The following GOLM1 variants were observed in gnomAD, a reference collection of about 807,000 sequenced individuals.
The protein encoded by GOLM1 is golgi membrane protein 1.
In GOLM1, 31 loss-of-function variants were observed where a neutral mutation model predicts 50.5. That is an observed-to-expected ratio of 0.61 (90% CI 0.46 to 0.83). The LOEUF is 0.83. Among genes scored for constraint, GOLM1 ranks in the 40% least tolerant of loss-of-function variants. GOLM1 has a pLI of 0.00. For missense variants in GOLM1, 491 were observed against 501.3 expected (o/e 0.98, Z 0.20); for synonymous variants, 178 against 192.8 (o/e 0.92, Z 0.64).
intron 3 of GOLM1, among the ~76,000 whole-genome samples, chr9:86,075,314 T>A (rs533475530): frequency 2.1e-4 from 32 of 152,264 alleles, no homozygotes; most frequent in Non-Finnish European, 4.1e-4. Context: ...TTATCACCGC[T>A]GCTGCGGTGG....
intron 1 of GOLM1, among the ~76,000 whole-genome samples, chr9:86,094,857 G>A (rs1333122422): frequency 6.6e-6 from 1 of 152,204 alleles, no homozygotes; most frequent in Non-Finnish European, 1.5e-5. Context: ...GCCAAGGCAG[G>A]CGGATCACCT....
chr9:86,039,943 G>C (rs898752615), intron 6 of GOLM1, among the ~76,000 whole-genome samples: 3 of 151,030 alleles, frequency 2.0e-5, no homozygotes, highest in African/African-American at 7.3e-5. Context: ...ACTCTGGCCT[G>C]GGTGAGAGAG....
chr9:86,074,853 A>C (rs977020771), intron 3 of GOLM1, among the ~76,000 whole-genome samples: 3 of 151,866 alleles, frequency 2.0e-5, no homozygotes, highest in Non-Finnish European at 4.4e-5. Context: ...CACCTCCCTC[A>C]GTGTCTTCCT....
At chr9:86,053,640 A>ATCG (rs1833878905) in intron 3 of GOLM1, among the ~76,000 whole-genome samples, 1 of 1,796 alleles carries the variant, frequency 5.6e-4, no homozygotes. Flanking sequence ...TACAAAACAC[A>ATCG]CACCACACCA....
In GOLM1 at chr9:86,035,513, G is replaced by T; in HGVS notation, c.870C>A (p.Phe290Leu). Residue 290 changes from phenylalanine to leucine, a missense_variant, in exon 8 of 10, where the codon TTC (phenylalanine) becomes TTA (leucine). By Grantham distance (22) the Phe-to-Leu change is conservative. Coordinates refer to ENST00000388712, the MANE Select transcript of GOLM1 (RefSeq NM_016548.4). ...VEDRPVGGRG[F>L]GGAGELGQTP... is the part of the protein sequence containing the mutation. ...TCTGGCCCAGTTCTCCGGCTCCCCC[G>T]AAGCCTCTTCCACCTACAGGTCTGT... 6.2e-7 allele frequency: 1 copy of T among 1,612,644 alleles called. No individual in the cohort carries two copies.
At chr9:86,045,945 C>T (rs1461816135) in intron 5 of GOLM1, among the ~76,000 whole-genome samples, 2 of 152,170 alleles carry the variant, frequency 1.3e-5, no homozygotes, top group Non-Finnish European at 2.9e-5. Flanking sequence ...CTCTGGCTTG[C>T]AAACTGGCTT....
chr9:86,027,571 T>C lies in GOLM1; in HGVS notation c.*246A>G. ...TATGTTCCAGTTTTGGTGTTGAACT[T>C]CTCACGAAATACCTACTACCAAAAA... On this transcript the variant is annotated 3_prime_UTR_variant, in exon 10 of 10. Transcript: ENST00000388712. 3.9e-6 allele frequency: 5 copies of C among 1,278,406 alleles called. No individual in the cohort carries two copies. Among genetic ancestry groups the C allele is most frequent in the Non-Finnish European group, 4.9e-6 (5 of 1,013,140 alleles). 79.2% of individuals were successfully genotyped at this position (1,278,406 alleles called of 1,614,324 possible).
chr9:86,027,295 C>T lies in GOLM1; in HGVS notation c.*522G>A. 2 of 985,618 alleles carry T rather than the reference C, an allele frequency of 2.0e-6. No homozygotes were observed. The highest frequency in any genetic ancestry group is 2.4e-6 in the Non-Finnish European group (2 of 830,078). 61.1% of individuals were successfully genotyped at this position (985,618 alleles called of 1,614,324 possible). On this transcript the variant is annotated 3_prime_UTR_variant, in exon 10 of 10. Transcript: ENST00000388712. The stretch of plus-strand genomic sequence containing the variant: ...GTGACGTTTGTGTTAACAGTCAGTG[C>T]TCTAGGCCATTGATTGATTGATTGT...
At position 86,036,329 on chromosome 9, in the gene GOLM1, A is replaced by G. The variant is rs781078049; in HGVS notation, c.757+19T>C. On this transcript the variant is annotated intron_variant, in intron 7 of 9. Coordinates refer to ENST00000388712, the MANE Select transcript of GOLM1 (RefSeq NM_016548.4). ...GCTCTGGAGAGCTGGGAACAGGGCA[A>G]CTGCTGGGCTCTGCTTACCTTTCTC... is the stretch of plus-strand genomic sequence containing the variant. The G allele has an allele frequency of 6.2e-7, 1 of 1,613,750 alleles. No individual in the cohort carries two copies. Among genetic ancestry groups the G allele is most frequent in the African/African-American group, 1.3e-5 (1 of 74,934 alleles).
intron 3 of GOLM1, among the ~76,000 whole-genome samples, chr9:86,073,786 G>A (rs1408724183): frequency 6.6e-6 from 1 of 152,094 alleles, no homozygotes; most frequent in East Asian, 1.9e-4. Flanking sequence ...ATTTAAGTTC[G>A]ATAAAATTAA....
In GOLM1 at chr9:86,027,480, T is replaced by A; in HGVS notation, c.*337A>T. 1 of 1,100,266 alleles carries A rather than the reference T, an allele frequency of 9.1e-7. No homozygotes were observed. The highest frequency in any genetic ancestry group is 1.1e-6 in the Non-Finnish European group (1 of 902,616). The allele number at this position is 1,100,266 out of a possible 1,614,324, so 68.2% of individuals were successfully genotyped here. A position where few individuals can be genotyped will look rare whatever the true frequency, so the allele number is the denominator to read the frequency against. On this transcript the variant is annotated 3_prime_UTR_variant, in exon 10 of 10. Coordinates refer to ENST00000388712, the MANE Select transcript of GOLM1 (RefSeq NM_016548.4). ...AGATGGACTCTTCTATAGGTGGCTG[T>A]TAATTTACACAAAGTTATATTCCAG... is the stretch of plus-strand genomic sequence containing the variant.
At chr9:86,040,649 C>G in intron 6 of GOLM1, 90 bp downstream of exon 6, 2 of 1,264,406 alleles carry the variant, frequency 1.6e-6, no homozygotes, top group Non-Finnish European at 2.2e-6. Flanking sequence ...AGGGCAGAAT[C>G]CAGAGAAAGC....
chr9:86,092,601 G>A (rs1835221038), intron 1 of GOLM1, among the ~76,000 whole-genome samples: 1 of 152,232 alleles, frequency 6.6e-6, no homozygotes, highest in African/African-American at 2.4e-5. Flanking sequence ...AGCACTCTTA[G>A]GAGAGCCCTG....
In GOLM1 at chr9:86,077,544, C is replaced by T; in HGVS notation, c.177G>A (p.Glu59=). 6.2e-7 allele frequency: 1 copy of T among 1,613,386 alleles called. No individual in the cohort carries two copies. Among genetic ancestry groups the T allele is most frequent in the Non-Finnish European group, 8.5e-7 (1 of 1,179,268 alleles). The change falls in exon 3 of 10, where the codon GAG becomes GAA. Residue 59 remains glutamate (E), a synonymous_variant. Coordinates refer to ENST00000388712, the MANE Select transcript of GOLM1 (RefSeq NM_016548.4). ...LEGRVRRAAA[E]RGAVELKKNE... ...TCTTCTTCAGCTCCACGGCGCCTCT[C>T]TCTGCAGCCGCCCTGCGGACCCTGC...
At chr9:86,062,589 AG>A (rs1358822672) in intron 3 of GOLM1, among the ~76,000 whole-genome samples, 2 of 148,074 alleles carry the variant, frequency 1.4e-5, no homozygotes, top group Admixed American at 6.7e-5. Flanking sequence ...GGAGAGAGAC[AG>A]GGTCTGGAGG....
intron 6 of GOLM1, among the ~76,000 whole-genome samples, chr9:86,038,835 G>A (rs779198276): frequency 1.3e-5 from 2 of 152,020 alleles, no homozygotes; most frequent in South Asian, 2.1e-4. Flanking sequence ...AACTAAGAAC[G>A]ATAAAACTCT....
At chr9:86,052,170 G>C (rs978197912) in intron 4 of GOLM1, among the ~76,000 whole-genome samples, 2 of 152,140 alleles carry the variant, frequency 1.3e-5, no homozygotes, top group Admixed American at 1.3e-4. Context: ...GGGCTGGACA[G>C]TTTTTCTAAG....
chr9:86,056,302 G>C (rs1270424211), intron 3 of GOLM1, among the ~76,000 whole-genome samples: 1 of 151,640 alleles, frequency 6.6e-6, no homozygotes, highest in Admixed American at 6.6e-5. Flanking sequence ...GAAAAATACA[G>C]CCTCCACTTA....
At chr9:86,099,767 C>G (rs1042241688), upstream of GOLM1, among the ~76,000 whole-genome samples, 1 of 152,178 alleles carries the variant, frequency 6.6e-6, no homozygotes, top group South Asian at 2.1e-4. Context: ...GGCGTTGCCC[C>G]TTCCCCCGGG....
Sources: allele counts gnomAD v4.1 joint callset (sites outside exome capture counted in the v4.1 genomes callset), GRCh38; gene constraint gnomAD v4.1.1; transcripts MANE v1.5; gene names NCBI Gene and HGNC (gene_info 2026-07-23, HGNC 2026-07-21).